ASPH: variants seen among roughly 807,000 people sequenced by gnomAD.
ASPH encodes aspartyl/asparaginyl beta-hydroxylase.
A neutral mutation model predicts 118.4 loss-of-function variants in ASPH; 100 were observed. The ratio of observed to expected loss-of-function variants is 0.84; its 90% CI spans 0.72 to 1.00. ASPH has a LOEUF of 1.00. ASPH is among the 50% of genes least tolerant of loss of function. ASPH has a pLI of 0.00. For missense variants in ASPH, 920 were observed against 919.5 expected, an observed-to-expected ratio of 1.00 and a Z score of -0.01; for synonymous variants, 315 against 325.6, an observed-to-expected ratio of 0.97 and a Z score of 0.35.
rs139824585 is a variant in ASPH at position 61,710,679 on chromosome 8, C to T, written c.103+3590G>A. 2.6e-3 allele frequency among the ~76,000 whole-genome samples: 392 copies of T among 152,250 alleles called. 3 individuals are homozygous for T. Among genetic ancestry groups the T allele is most frequent in the African/African-American group, 8.5e-3 (353 of 41,558 alleles). On this transcript the variant is annotated intron_variant, in intron 1 of 24. Transcript: ENST00000379454. Reference sequence around the variant, plus strand: ...TTCTTGCAGTGGAAGAATTATGGTCCTCCTATGTTTTCATCTTAGAATGAG... The same window carrying T: ...TTCTTGCAGTGGAAGAATTATGGTCTTCCTATGTTTTCATCTTAGAATGAG...
chr8:61,562,837 T>A lies in ASPH; in HGVS notation c.1344A>T (p.Gln448His). The change falls in exon 18 of 25, where the codon CAA becomes CAT. Residue 448 changes from glutamine to histidine, a missense_variant. By Grantham distance (24) the Gln-to-His change is conservative. Transcript: ENST00000379454. Reference sequence around the variant, plus strand: ...TTAAGGAAGTATCATTGGGAAATAGTTGAACTAATCTCTGCAGGGTAAGCA... The same window carrying A: ...TTAAGGAAGTATCATTGGGAAATAGATGAACTAATCTCTGCAGGGTAAGCA... ...GSLLTLQRLV[Q>H]LFPNDTSLKN... 6.2e-7 allele frequency: 1 copy of A among 1,612,840 alleles called. No individual in the cohort carries two copies. Among genetic ancestry groups the A allele is most frequent in the Non-Finnish European group, 8.5e-7 (1 of 1,179,544 alleles).
At chr8:61,567,354 G>T in intron 16 of ASPH, 36 bp from the exon 17 acceptor site, 1 of 1,576,032 alleles carries the variant, frequency 6.3e-7, no homozygotes. Context: ...AATGTCCCAT[G>T]ACTAGCTGTG....
At chr8:61,677,441 C>T (rs1004195849) in intron 3 of ASPH, among the ~76,000 whole-genome samples, 2 of 152,094 alleles carry the variant, frequency 1.3e-5, no homozygotes, top group African/African-American at 4.8e-5. Context: ...GTAATTCAGT[C>T]ATTTAAGGCT....
rs373681814 is a variant in ASPH, at chr8:61,701,537, A to G, written c.103+12732T>C. 2.0e-5 allele frequency among the ~76,000 whole-genome samples: 3 copies of G among 152,358 alleles called. No homozygotes were observed. In the East Asian group the frequency reaches 5.8e-4, roughly 29 times the overall value. ...TCATATAAGTTAATTTCATTTTAAT[A>G]ATGTTACAAAGCAAATATGTGATTG... On this transcript the variant is annotated intron_variant, in intron 1 of 24. Transcript: ENST00000379454.
rs1388177246 is a variant in ASPH at position 61,714,380 on chromosome 8, C to A, written c.-9G>T. 1 of 1,501,544 alleles carries A rather than the reference C, an allele frequency of 6.7e-7. No individual in the cohort carries two copies. Among genetic ancestry groups the A allele is most frequent in the Non-Finnish European group, 8.9e-7 (1 of 1,123,962 alleles). The allele number at this position is 1,501,544 out of a possible 1,614,324, so 93.0% of individuals were successfully genotyped here. A position where few individuals can be genotyped will look rare whatever the true frequency, so the allele number is the denominator to read the frequency against. On this transcript the variant is annotated 5_prime_UTR_variant, in exon 1 of 25. Transcript: ENST00000379454. ...TTCTTACGCTGGGCCATTGCACGGT[C>A]CGCGGGGGCTGGTGAGGGCTGGCGG... is the stretch of plus-strand genomic sequence containing the variant.
In ASPH at chr8:61,617,137, C is replaced by T. The variant is rs926181435; in HGVS notation, c.976+1841G>A. On this transcript the variant is annotated intron_variant, in intron 14 of 24. Transcript: ENST00000379454. ...AGACCCAGGCTGTGAGTAAATTTGG[C>T]AATCTGTGGCATACAGAGGCATTTA... Among the ~76,000 whole-genome samples the T allele has an allele frequency of 5.3e-5, 8 of 152,140 alleles. No homozygotes were observed. The East Asian group carries it at 1.3e-3, about 26-fold the overall frequency.
chr8:61,505,326 C>T (rs1296350500), intron 24 of ASPH, among the ~76,000 whole-genome samples: 1 of 152,104 alleles, frequency 6.6e-6, no homozygotes, highest in Non-Finnish European at 1.5e-5. Flanking sequence ...AAACCCCCAT[C>T]TCCACTAAAA....
intron 16 of ASPH, among the ~76,000 whole-genome samples, chr8:61,569,062 C>G (rs1005630417): frequency 2.0e-5 from 3 of 152,040 alleles, no homozygotes; most frequent in African/African-American, 7.2e-5. Context: ...GGAACAGGGA[C>G]CAGAATAGTC....
intron 24 of ASPH, among the ~76,000 whole-genome samples, chr8:61,511,342 T>C (rs1808746991): frequency 6.6e-6 from 1 of 152,216 alleles, no homozygotes; most frequent in South Asian, 2.1e-4. Context: ...CTATCAGTCT[T>C]GTTCAACATT....
chr8:61,688,652 A>C (rs954646362), intron 1 of ASPH, among the ~76,000 whole-genome samples: 1 of 152,210 alleles, frequency 6.6e-6, no homozygotes, highest in Non-Finnish European at 1.5e-5. Flanking sequence ...GAAAAACACA[A>C]AAACTGTCAA....
chr8:61,551,211 T>C (rs1169240145), intron 20 of ASPH, among the ~76,000 whole-genome samples: 3 of 152,196 alleles, frequency 2.0e-5, no homozygotes, highest in Non-Finnish European at 4.4e-5. Flanking sequence ...CTGCCCATAC[T>C]AAACGGACCA....
chr8:61,644,149 A>T, intron 7 of ASPH, 148 bp from the exon 8 acceptor site: 1 of 684,506 alleles, frequency 1.5e-6, no homozygotes, highest in Non-Finnish European at 2.5e-6. Flanking sequence ...TGAAACAAAT[A>T]GGTATTAAGT....
intron 14 of ASPH, among the ~76,000 whole-genome samples, chr8:61,603,847 T>G (rs1315209494): frequency 1.3e-5 from 2 of 152,092 alleles, no homozygotes; most frequent in African/African-American, 4.8e-5. Flanking sequence ...TACCACTAAT[T>G]GGAAAAACAA....
At position 61,638,365 on chromosome 8, in the gene ASPH, TA is replaced by T. The variant is rs34108497; in HGVS notation, c.791-3del. 0.023 allele frequency: 29,539 copies of T among 1,273,712 alleles called. No individual in the cohort carries two copies. The highest frequency in any genetic ancestry group is 0.025 in the Non-Finnish European group (22,928 of 929,416). 78.9% of individuals were successfully genotyped at this position (1,273,712 alleles called of 1,614,324 possible). A position where few individuals can be genotyped will look rare whatever the true frequency, so the allele number is the denominator to read the frequency against. On this transcript the variant is annotated splice_region_variant and splice_polypyrimidine_tract_variant and intron_variant, in intron 10 of 24. Coordinates refer to ENST00000379454, the MANE Select transcript of ASPH (RefSeq NM_004318.4). ...CATTTTCTAGAGGTTCATATACTGCTAAAAAAAAAAAAACAGAAACAAAATC... is the reference window on the plus strand; with the variant it reads ...CATTTTCTAGAGGTTCATATACTGCTAAAAAAAAAAAACAGAAACAAAATC...
intron 15 of ASPH, 55 bp from the exon 16 acceptor site, chr8:61,576,913 A>T (rs765678053): frequency 1.1e-5 from 16 of 1,405,304 alleles, no homozygotes; most frequent in African/African-American, 2.9e-5. Context: ...ATAATCAATC[A>T]ATATTGTTAT....
At chr8:61,539,713 T>G (rs1055376200) in intron 21 of ASPH, among the ~76,000 whole-genome samples, 1 of 150,188 alleles carries the variant, frequency 6.7e-6, no homozygotes, top group Non-Finnish European at 1.5e-5. Flanking sequence ...TGTGTGTGTG[T>G]GTGTGTGTGT....
intron 5 of ASPH, among the ~76,000 whole-genome samples, chr8:61,650,217 C>A (rs558475771): frequency 4.7e-4 from 71 of 152,282 alleles, no homozygotes; most frequent in Non-Finnish European, 7.5e-4. Flanking sequence ...CTCATATAGG[C>A]CCATGAGTGG....
intron 14 of ASPH, among the ~76,000 whole-genome samples, chr8:61,591,035 T>G (rs1397022834): frequency 6.6e-6 from 1 of 152,170 alleles, no homozygotes; most frequent in Non-Finnish European, 1.5e-5. Flanking sequence ...ATATACACAG[T>G]GCTCGCTCAA....
intron 3 of ASPH, among the ~76,000 whole-genome samples, chr8:61,674,805 A>G (rs553937282): frequency 6.6e-6 from 1 of 152,358 alleles, no homozygotes; most frequent in South Asian, 2.1e-4. Flanking sequence ...GACAAGAAAT[A>G]TTTGAAAAGT....
Sources: gnomAD v4.1 joint callset for allele counts (sites outside exome capture counted in the v4.1 genomes callset) on GRCh38, gnomAD v4.1.1 for gene constraint, MANE v1.5 for transcripts, NCBI Gene and HGNC (gene_info 2026-07-23, HGNC 2026-07-21) for gene names.